The following FIG4 variants were observed in gnomAD, a reference collection of about 807,000 sequenced individuals.
FIG4 encodes FIG4 phosphoinositide 5-phosphatase.
Under a neutral mutation model 118.6 loss-of-function variants are expected in FIG4, and 112 were observed. That is an observed-to-expected ratio of 0.94 (90% CI 0.81 to 1.11). The LOEUF is 1.11. FIG4 is among the 50% of genes least tolerant of loss of function. FIG4 has a pLI of 0.00. For missense variants in FIG4, 969 were observed against 1,111.7 expected (o/e 0.87, Z 1.83); for synonymous variants, 369 against 381.2 (o/e 0.97, Z 0.37).
chr6:109,745,389 C>G (rs1776460309), intron 10 of FIG4, among the ~76,000 whole-genome samples: 1 of 152,148 alleles, frequency 6.6e-6, no homozygotes, highest in Admixed American at 6.5e-5. Flanking sequence ...TTTCTAATGA[C>G]CAGTGATGAT....
At chr6:109,720,791 T>G (rs574315123) in intron 3 of FIG4, among the ~76,000 whole-genome samples, 1 of 152,368 alleles carries the variant, frequency 6.6e-6, no homozygotes, top group Non-Finnish European at 1.5e-5. Flanking sequence ...TGAATATTAC[T>G]GACCTAGAGG....
chr6:109,732,920 A>T (rs1383340775), intron 5 of FIG4, among the ~76,000 whole-genome samples: 1 of 152,128 alleles, frequency 6.6e-6, no homozygotes, highest in Admixed American at 6.6e-5. Flanking sequence ...TCGTTGTTTT[A>T]GGTAGGACTT....
intron 22 of FIG4, among the ~76,000 whole-genome samples, chr6:109,804,999 G>A (rs1444958823): frequency 1.3e-5 from 2 of 152,200 alleles, no homozygotes; most frequent in East Asian, 3.8e-4. Context: ...AATTGTGAGG[G>A]AGAGATGCAA....
intron 1 of FIG4, among the ~76,000 whole-genome samples, chr6:109,696,593 A>G (rs1337984018): frequency 6.6e-6 from 1 of 152,244 alleles, no homozygotes; most frequent in Non-Finnish European, 1.5e-5. Flanking sequence ...TTCACAGCAA[A>G]TATGGATGAG....
intron 22 of FIG4, among the ~76,000 whole-genome samples, chr6:109,824,115 A>C (rs1779087568): frequency 6.6e-6 from 1 of 152,220 alleles, no homozygotes; most frequent in Admixed American, 6.5e-5. Flanking sequence ...TTCTGGAGAC[A>C]GTGCCTTCCC....
In FIG4 at chr6:109,824,970, G is replaced by C. The variant is rs576580839; in HGVS notation, c.2547-118G>C. Reference sequence around the variant, plus strand: ...ACTGGGGAGGTCATCCCAGCAGCTTGTCAAAAGTCAGCCTGCTTATTCAAT... The same window carrying C: ...ACTGGGGAGGTCATCCCAGCAGCTTCTCAAAAGTCAGCCTGCTTATTCAAT... On this transcript the variant is annotated intron_variant, in intron 22 of 22. Coordinates refer to ENST00000230124, the MANE Select transcript of FIG4 (RefSeq NM_014845.6). 65 of 946,212 alleles carry C rather than the reference G, an allele frequency of 6.9e-5. No individual in the cohort carries two copies. The African/African-American group carries it at 9.6e-4, about 14-fold the overall frequency. The allele number at this position is 946,212 out of a possible 1,614,324, so 58.6% of individuals were successfully genotyped here.
chr6:109,720,833 C>T (rs1308768402), intron 3 of FIG4, among the ~76,000 whole-genome samples: 1 of 152,190 alleles, frequency 6.6e-6, no homozygotes, highest in African/African-American at 2.4e-5. Flanking sequence ...TTGATCCAGT[C>T]CTGTAGCTGC....
At chr6:109,814,770 A>C (rs1030454794) in intron 22 of FIG4, among the ~76,000 whole-genome samples, 1 of 152,248 alleles carries the variant, frequency 6.6e-6, no homozygotes, top group East Asian at 1.9e-4. Context: ...TTTCTGGCAC[A>C]AGATGTTCTA....
chr6:109,797,763 G>T (rs1434842788), intron 22 of FIG4, among the ~76,000 whole-genome samples: 2 of 152,012 alleles, frequency 1.3e-5, no homozygotes, highest in African/African-American at 2.4e-5. Context: ...GGGCATGGTG[G>T]TGCGTGCCTG....
intron 21 of FIG4, among the ~76,000 whole-genome samples, chr6:109,793,026 T>C (rs574680205): frequency 6.6e-6 from 1 of 152,148 alleles, no homozygotes. Context: ...TAGTCAGCAA[T>C]ACAGAAGAAA....
chr6:109,792,680 G>A lies in FIG4; in HGVS notation c.2459+16G>A, dbSNP rs774290832. ...TTTATTCAAGGTGAGATACTTTCAT[G>A]TAGATATTAAAGAAAAATGAATATT... is the stretch of plus-strand genomic sequence containing the variant. On this transcript the variant is annotated intron_variant, in intron 21 of 22. Transcript: ENST00000230124. 5.4e-6 allele frequency: 7 copies of A among 1,300,074 alleles called. No individual in the cohort carries two copies. In the African/African-American group the frequency reaches 7.4e-5, roughly 14 times the overall value. The allele number at this position is 1,300,074 out of a possible 1,614,324, so 80.5% of individuals were successfully genotyped here. A position where few individuals can be genotyped will look rare whatever the true frequency, so the allele number is the denominator to read the frequency against.
chr6:109,820,576 G>C (rs551103468), intron 22 of FIG4, among the ~76,000 whole-genome samples: 5 of 152,054 alleles, frequency 3.3e-5, no homozygotes, highest in Non-Finnish European at 5.9e-5. Flanking sequence ...TAGCAGTGCC[G>C]ATCTCCAGAA....
intron 15 of FIG4, among the ~76,000 whole-genome samples, chr6:109,773,632 G>A (rs1476500791): frequency 6.6e-6 from 1 of 151,870 alleles, no homozygotes; most frequent in Non-Finnish European, 1.5e-5. Context: ...CACAGCCACG[G>A]CCATCCACTG....
chr6:109,727,612 T>C (rs1409529481), intron 4 of FIG4, among the ~76,000 whole-genome samples: 5 of 152,130 alleles, frequency 3.3e-5, no homozygotes, highest in Non-Finnish European at 7.3e-5. Context: ...CATTTTAAAC[T>C]CCATGGATCT....
intron 10 of FIG4, among the ~76,000 whole-genome samples, chr6:109,745,962 G>T (rs937399059): frequency 6.6e-6 from 1 of 152,096 alleles, no homozygotes; most frequent in Non-Finnish European, 1.5e-5. Context: ...TAAGCAAAAA[G>T]AACAAAACTG....
At chr6:109,766,948 G>T in intron 15 of FIG4, 53 bp downstream of exon 15, 1 of 1,471,014 alleles carries the variant, frequency 6.8e-7, no homozygotes, top group Non-Finnish European at 9.5e-7. Flanking sequence ...TGCATTTTTT[G>T]TATGTCTTTT....
chr6:109,764,080 A>G, intron 13 of FIG4, 98 bp downstream of exon 13: 1 of 771,278 alleles, frequency 1.3e-6, no homozygotes, highest in East Asian at 2.5e-5. Flanking sequence ...TATCTTATTT[A>G]ATGCAGAATT....
At chr6:109,726,371 G>T (rs1026770068) in intron 3 of FIG4, among the ~76,000 whole-genome samples, 2 of 152,110 alleles carry the variant, frequency 1.3e-5, no homozygotes, top group Admixed American at 6.6e-5. Flanking sequence ...TTTCCCCATT[G>T]CTTGTTTTTG....
chr6:109,767,887 A>G (rs1464085961), intron 15 of FIG4, among the ~76,000 whole-genome samples: 1 of 152,056 alleles, frequency 6.6e-6, no homozygotes, highest in African/African-American at 2.4e-5. Flanking sequence ...GAAAAAAAAA[A>G]GGTCCTTAGG....
Sources: gnomAD v4.1 joint callset for allele counts (sites outside exome capture counted in the v4.1 genomes callset) on GRCh38, gnomAD v4.1.1 for gene constraint, MANE v1.5 for transcripts, NCBI Gene and HGNC (gene_info 2026-07-23, HGNC 2026-07-21) for gene names.